The following FSIP2 variants were observed in gnomAD, a reference collection of about 807,000 sequenced individuals.
FSIP2 encodes the protein fibrous sheath-interacting protein 2.
In FSIP2, 367 loss-of-function variants were observed where a neutral mutation model predicts 510.5. The ratio of observed to expected loss-of-function variants is 0.72; its 90% CI spans 0.66 to 0.78. The LOEUF (loss-of-function observed/expected upper bound fraction) is 0.78, where lower values mean the gene tolerates loss of function less well. Among genes scored for constraint, FSIP2 ranks in the 30% least tolerant of loss-of-function variants. The pLI, the probability that FSIP2 is intolerant of heterozygous loss-of-function variation, is 0.00. For missense variants in FSIP2, 7,594 were observed against 7,901.7 expected (o/e 0.96, Z 1.48); for synonymous variants, 2,601 against 2,732.2 (o/e 0.95, Z 1.50).
chr2:185,786,996 C>G (rs1693002095), intron 15 of FSIP2, among the ~76,000 whole-genome samples: 1 of 151,728 alleles, frequency 6.6e-6, no homozygotes, highest in African/African-American at 2.4e-5. Context: ...AGAAATATAT[C>G]CCTCTTTTAT....
chr2:185,776,607 G>A (rs1483140891), intron 13 of FSIP2, among the ~76,000 whole-genome samples: 1 of 151,880 alleles, frequency 6.6e-6, no homozygotes, highest in East Asian at 1.9e-4. Context: ...AAAAGCATAG[G>A]CTTTAAATCT....
In FSIP2 at chr2:185,801,530, T is replaced by A; in HGVS notation, c.12224T>A (p.Ile4075Lys). Residue 4075 changes from isoleucine to lysine, a missense_variant, in exon 17 of 23, where the codon ATA becomes AAA. Coordinates refer to ENST00000424728, the MANE Select transcript of FSIP2 (RefSeq NM_173651.4). ...AATCCGGTATACGACAATGCCTCAA[T>A]AGCAGAACAAATAACAAATGGCATA... is the stretch of plus-strand genomic sequence containing the variant. Reference protein sequence around the residue: ...GNNPVYDNASIAEQITNGILL... With the variant: ...GNNPVYDNASKAEQITNGILL... 3.3e-6 allele frequency: 5 copies of A among 1,534,128 alleles called. No homozygotes were observed. The highest frequency in any genetic ancestry group is 4.4e-6 in the Non-Finnish European group (5 of 1,145,524).
At chr2:185,815,634 C>CTTCTTG (rs1302952204) in intron 19 of FSIP2, among the ~76,000 whole-genome samples, 163 bp downstream of exon 19, 1 of 152,038 alleles carries the variant, frequency 6.6e-6, no homozygotes, top group Non-Finnish European at 1.5e-5. Context: ...TCCAAAGCCA[C>CTTCTTG]TTCTTGCTAT....
intron 4 of FSIP2, chr2:185,745,191 C>T (rs1289316408): frequency 3.7e-6 from 1 of 273,608 alleles, no homozygotes; most frequent in Non-Finnish European, 6.7e-6. Context: ...CTACTTCCTG[C>T]ATATTTTTAT....
intron 7 of FSIP2, among the ~76,000 whole-genome samples, chr2:185,751,353 T>C (rs189190111): frequency 6.9e-4 from 104 of 151,652 alleles, no homozygotes; most frequent in African/African-American, 2.4e-3. Flanking sequence ...GCTCTAATAT[T>C]ACATGTAATA....
Position 185,794,147 on chromosome 2 carries a change from T to C in FSIP2, c.7011T>C (p.Leu2337=). The C allele has an allele frequency of 6.5e-7, 1 of 1,533,258 alleles. No individual in the cohort carries two copies. 95.0% of individuals were successfully genotyped at this position (1,533,258 alleles called of 1,614,324 possible). ...CTTTTGTTGGTCGCAGAGAAAAACT[T>C]GGATCCACAATTCACCTATCGCAAG... ...DFTFVGRREK[L]GSTIHLSQAR... is the part of the protein sequence containing the mutation. The change falls in exon 16 of 23, where the codon CTT becomes CTC. Residue 2337 remains leucine, a synonymous_variant. Transcript: ENST00000424728.
chr2:185,754,970 G>C (rs1263382961), intron 8 of FSIP2, among the ~76,000 whole-genome samples: 1 of 151,460 alleles, frequency 6.6e-6, no homozygotes, highest in Admixed American at 6.6e-5. Context: ...AGTTAAATTA[G>C]ACTACTGATC....
At chr2:185,748,194 T>C (rs1692074890) in intron 7 of FSIP2, among the ~76,000 whole-genome samples, 3 of 152,090 alleles carry the variant, frequency 2.0e-5, no homozygotes, top group Admixed American at 2.0e-4. Context: ...TACCTGTACC[T>C]TTCAGTACCA....
Position 185,806,764 on chromosome 2 carries a change from A to G in FSIP2, c.17458A>G (p.Asn5820Asp). ...DRCQNVSDKQ[N>D]QAKLYDTAMK... The stretch of plus-strand genomic sequence containing the variant: ...ATGTCAAAATGTTAGTGATAAGCAA[A>G]ATCAAGCCAAACTCTATGACACTGC... The change falls in exon 17 of 23, where the codon AAT becomes GAT. Residue 5820 changes from asparagine (N) to aspartate (D), a missense_variant. Transcript: ENST00000424728. 6.2e-7 allele frequency: 1 copy of G among 1,611,872 alleles called. No individual in the cohort carries two copies. The highest frequency in any genetic ancestry group is 8.5e-7 in the Non-Finnish European group (1 of 1,178,664).
chr2:185,815,977 C>A (rs1490177451), intron 19 of FSIP2, among the ~76,000 whole-genome samples: 2 of 151,920 alleles, frequency 1.3e-5, no homozygotes, highest in Non-Finnish European at 2.9e-5. Context: ...GAAAGACAAT[C>A]CAAGTTTGGA....
In FSIP2 at chr2:185,790,526, C is replaced by T. The variant is rs1693096270; in HGVS notation, c.3390C>T (p.Asp1130=). ...CTTCCGTTCCTTTTGGTCACTTAGACAGCAAAACTGGCAGTGAAGCTTCAG... is the reference window on the plus strand; with the variant it reads ...CTTCCGTTCCTTTTGGTCACTTAGATAGCAAAACTGGCAGTGAAGCTTCAG... ...DISSVPFGHL[D]SKTGSEASVL... is the part of the protein sequence containing the mutation. The change falls in exon 16 of 23, where the codon GAC becomes GAT. Residue 1130 remains aspartate, a synonymous_variant. Coordinates refer to ENST00000424728, the MANE Select transcript of FSIP2 (RefSeq NM_173651.4). 6.5e-7 allele frequency: 1 copy of T among 1,533,938 alleles called. No homozygotes were observed. Among genetic ancestry groups the T allele is most frequent in the Admixed American group, 2.0e-5 (1 of 50,800 alleles).
intron 7 of FSIP2, among the ~76,000 whole-genome samples, chr2:185,750,503 T>C (rs1014547383): frequency 1.3e-5 from 2 of 151,384 alleles, no homozygotes; most frequent in African/African-American, 4.8e-5. Flanking sequence ...ACTTCTTTTT[T>C]CCTTATCAGT....
At chr2:185,773,093 T>G (rs1051332564) in intron 13 of FSIP2, among the ~76,000 whole-genome samples, 1 of 152,074 alleles carries the variant, frequency 6.6e-6, no homozygotes, top group Non-Finnish European at 1.5e-5. Flanking sequence ...ACTCCTGGGC[T>G]CAAAGCAATC....
Position 185,800,353 on chromosome 2 carries a change from C to A in FSIP2, c.11047C>A (p.Leu3683Met), listed in dbSNP as rs1051848370. The change falls in exon 17 of 23, where the codon CTG (leucine) becomes ATG (methionine). Residue 3683 changes from leucine (L) to methionine (M), a missense_variant. Physicochemically the swap from Leu to Met is conservative, Grantham distance 15. Coordinates refer to ENST00000424728, the MANE Select transcript of FSIP2 (RefSeq NM_173651.4). ...TTATCTTGCATGTAAGTTAAACAGC[C>A]TGGTTGGTAACCTAAAAACAAGTGA... ...LSYLACKLNS[L>M]VGNLKTSESK... 2 of 1,530,494 alleles carry A rather than the reference C, an allele frequency of 1.3e-6. No homozygotes were observed. The highest frequency in any genetic ancestry group is 2.8e-5 in the African/African-American group (2 of 72,612). The allele number at this position is 1,530,494 out of a possible 1,614,324, so 94.8% of individuals were successfully genotyped here. A position where few individuals can be genotyped will look rare whatever the true frequency, so the allele number is the denominator to read the frequency against.
intron 14 of FSIP2, among the ~76,000 whole-genome samples, chr2:185,785,927 T>C (rs1692961931): frequency 6.6e-6 from 1 of 151,934 alleles, no homozygotes; most frequent in South Asian, 2.1e-4. Flanking sequence ...GCCCACTTCC[T>C]GCAAATCCTA....
In FSIP2 at chr2:185,808,012, A is replaced by C. The variant is rs1427413972; in HGVS notation, c.18706A>C (p.Lys6236Gln). 6.2e-7 allele frequency: 1 copy of C among 1,611,270 alleles called. No individual in the cohort carries two copies. Among genetic ancestry groups the C allele is most frequent in the Non-Finnish European group, 8.5e-7 (1 of 1,178,200 alleles). ...KSKIKLVPPT[K>Q]ESPTVPVADN... ...TAAGATTAAACTTGTACCACCCACC[A>C]AGGAATCACCTACTGTGCCTGTAGC... The change falls in exon 17 of 23, where the codon AAG becomes CAG. Residue 6236 changes from lysine to glutamine, a missense_variant. By Grantham distance (53) the Lys-to-Gln change is moderately conservative (BLOSUM62 1). Transcript: ENST00000424728.
At chr2:185,741,179 T>G (rs1457782282) in intron 2 of FSIP2, among the ~76,000 whole-genome samples, 1 of 152,222 alleles carries the variant, frequency 6.6e-6, no homozygotes, top group Non-Finnish European at 1.5e-5. Context: ...TATTTTACTC[T>G]ATTGCCATTT....
intron 20 of FSIP2, 124 bp from the exon 21 acceptor site, chr2:185,828,029 ACTT>A: frequency 1.7e-6 from 1 of 579,122 alleles, no homozygotes; most frequent in Non-Finnish European, 3.1e-6. Context: ...TAAAATAACA[ACTT>A]CTTCGACCTG....
At chr2:185,778,012 T>C (rs1360418653) in intron 13 of FSIP2, among the ~76,000 whole-genome samples, 2 of 152,112 alleles carry the variant, frequency 1.3e-5, no homozygotes, top group East Asian at 3.8e-4. Context: ...AAATTATGAA[T>C]TCAATGACTT....
Sources: gnomAD v4.1 joint callset for allele counts (sites outside exome capture counted in the v4.1 genomes callset) on GRCh38, gnomAD v4.1.1 for gene constraint, MANE v1.5 for transcripts, NCBI Gene and HGNC (gene_info 2026-07-23, HGNC 2026-07-21) for gene names.